ELMO1: variants seen among roughly 807,000 people sequenced by gnomAD.
ELMO1 encodes engulfment and cell motility 1, also known as engulfment and cell motility protein 1.
In ELMO1, 26 loss-of-function variants were observed where a neutral mutation model predicts 98.9. That is an observed-to-expected ratio of 0.26 (90% CI 0.19 to 0.36). The LOEUF (loss-of-function observed/expected upper bound fraction) is 0.36. Ranked by LOEUF, ELMO1 falls within the 10% of genes least tolerant of loss-of-function variation. The probability of loss-of-function intolerance (pLI) is 1.00; values close to 1 mark genes in which losing one functional copy is unlikely to be tolerated. For missense variants in ELMO1, 627 were observed against 935.2 expected (o/e 0.67, Z 4.30); for synonymous variants, 346 against 346.0 (o/e 1.00, Z 0.00).
intron 15 of ELMO1, among the ~76,000 whole-genome samples, chr7:37,089,210 A>G (rs1002769552): frequency 6.6e-6 from 1 of 152,188 alleles, no homozygotes; most frequent in East Asian, 1.9e-4. Flanking sequence ...TACTTGCTAA[A>G]GCAGAGGTGT....
At chr7:37,398,832 C>T (rs1016020195) in intron 1 of ELMO1, among the ~76,000 whole-genome samples, 1 of 152,178 alleles carries the variant, frequency 6.6e-6, no homozygotes, top group Non-Finnish European at 1.5e-5. Flanking sequence ...CAATGTGGGG[C>T]CCTCCTTCGC....
In ELMO1 at chr7:37,273,407, CCT is replaced by C. The variant is rs113947830; in HGVS notation, c.193-1527_193-1526del. Among the ~76,000 whole-genome samples, 9 of 152,278 alleles carry C rather than the reference CCT, an allele frequency of 5.9e-5. 1 individual carries two copies. Among genetic ancestry groups the C allele is most frequent in the Middle Eastern group, 3.4e-3 (1 of 294 alleles). ...TCTTTCCCCTTTGCTTCTTTCACAC[CCT>C]CTCTCACCTGCTGCCATGTAAGACA... On this transcript the variant is annotated intron_variant, in intron 4 of 21. Coordinates refer to ENST00000310758, the MANE Select transcript of ELMO1 (RefSeq NM_014800.11).
At chr7:37,226,265 T>C (rs1793869099) in intron 8 of ELMO1, among the ~76,000 whole-genome samples, 4 of 152,038 alleles carry the variant, frequency 2.6e-5, no homozygotes, top group Admixed American at 2.6e-4. Context: ...TCAGGAAGAG[T>C]ATGGAAATTT....
At chr7:37,265,773 T>C (rs980793923) in intron 5 of ELMO1, among the ~76,000 whole-genome samples, 1 of 152,112 alleles carries the variant, frequency 6.6e-6, no homozygotes, top group Non-Finnish European at 1.5e-5. Flanking sequence ...TGCTGAGCCC[T>C]CTCCTCTACT....
intron 4 of ELMO1, 63 bp downstream of exon 4, chr7:37,314,787 A>T: frequency 6.6e-7 from 1 of 1,515,320 alleles, no homozygotes; most frequent in Non-Finnish European, 9.1e-7. Context: ...GAACAAAGAA[A>T]ACATCATCAT....
At chr7:37,166,302 T>C (rs138123153) in intron 13 of ELMO1, among the ~76,000 whole-genome samples, 5,227 of 152,332 alleles carry the variant, frequency 0.034, 145 homozygotes, top group East Asian at 0.14. Flanking sequence ...CCTGGATTCA[T>C]TAATTTTTGA....
intron 14 of ELMO1, among the ~76,000 whole-genome samples, chr7:37,099,906 C>T (rs967453253): frequency 2.6e-5 from 4 of 151,104 alleles, no homozygotes; most frequent in African/African-American, 9.8e-5. Context: ...AATCTCGGCT[C>T]GCTGCAACCT....
At chr7:37,422,909 C>A (rs141789589) in intron 1 of ELMO1, among the ~76,000 whole-genome samples, 1,609 of 152,346 alleles carry the variant, frequency 0.011, 24 homozygotes, top group African/African-American at 0.037. Context: ...TTGGCCGCAG[C>A]CCATGAGCCA....
chr7:37,204,805 T>C (rs1792516173), intron 13 of ELMO1, among the ~76,000 whole-genome samples: 1 of 152,114 alleles, frequency 6.6e-6, no homozygotes, highest in African/African-American at 2.4e-5. Context: ...GAAAGAAAAG[T>C]TCTCCAAGTC....
rs1800588261 is a variant in ELMO1, at chr7:37,339,220, G to GC, written c.78+3392dup. Among the ~76,000 whole-genome samples, 6 of 152,326 alleles carry GC rather than the reference G, an allele frequency of 3.9e-5. No homozygotes were observed. The South Asian group carries it at 1.2e-3, about 32-fold the overall frequency. On this transcript the variant is annotated intron_variant, in intron 2 of 21. Transcript: ENST00000310758. ...ATCACAGATGCAGATGAAAAGCCCTGCCCCTGGCCAGCAGAATCACAATCT... is the reference window on the plus strand; with the variant it reads ...ATCACAGATGCAGATGAAAAGCCCTGCCCCCTGGCCAGCAGAATCACAATCT...
chr7:37,423,600 C>A (rs192632148), intron 1 of ELMO1, among the ~76,000 whole-genome samples: 11,398 of 152,138 alleles, frequency 0.075, 591 homozygotes, highest in Admixed American at 0.095. Flanking sequence ...AACAAACAAA[C>A]AAACAAACAA....
At chr7:37,135,892 A>G (rs769695895) in intron 13 of ELMO1, among the ~76,000 whole-genome samples, 1 of 152,244 alleles carries the variant, frequency 6.6e-6, no homozygotes, top group Admixed American at 6.5e-5. Context: ...CTGAATTGCC[A>G]GAGTAAGAAT....
intron 1 of ELMO1, among the ~76,000 whole-genome samples, chr7:37,440,154 A>C (rs1401695030): frequency 1.3e-5 from 2 of 152,154 alleles, no homozygotes; most frequent in African/African-American, 2.4e-5. Context: ...ACTATAAAAA[A>C]ATCTAGGGGC....
chr7:37,023,902 T>A (rs987788223), intron 15 of ELMO1, among the ~76,000 whole-genome samples: 1 of 152,180 alleles, frequency 6.6e-6, no homozygotes, highest in Non-Finnish European at 1.5e-5. Context: ...CTTTCGTGAA[T>A]GGAGATCCCA....
intron 1 of ELMO1, among the ~76,000 whole-genome samples, chr7:37,417,405 T>TA (rs1219594745): frequency 1.3e-5 from 2 of 152,158 alleles, no homozygotes; most frequent in East Asian, 3.8e-4. Context: ...CTTACGCCTG[T>TA]AATCCCAGCA....
intron 15 of ELMO1, among the ~76,000 whole-genome samples, chr7:37,032,013 G>C (rs1487888818): frequency 6.6e-6 from 1 of 152,170 alleles, no homozygotes; most frequent in Non-Finnish European, 1.5e-5. Flanking sequence ...GCACCAGGAA[G>C]CGCGCCCTTC....
intron 15 of ELMO1, among the ~76,000 whole-genome samples, chr7:37,022,095 C>G (rs1420717072): frequency 6.6e-6 from 1 of 152,172 alleles, no homozygotes; most frequent in Non-Finnish European, 1.5e-5. Context: ...ATACCATCTG[C>G]AAAGATCAGT....
chr7:37,338,527 A>C (rs76667818), intron 2 of ELMO1, among the ~76,000 whole-genome samples: 6,207 of 152,278 alleles, frequency 0.041, 182 homozygotes, highest in Middle Eastern at 0.071. Flanking sequence ...TCCCAGTTTA[A>C]GGTACTTTGT....
chr7:37,268,029 A>G (rs953955473), intron 5 of ELMO1, among the ~76,000 whole-genome samples: 1 of 152,212 alleles, frequency 6.6e-6, no homozygotes, highest in African/African-American at 2.4e-5. Flanking sequence ...AAGACTACAA[A>G]TATAGTCACC....
Sources: allele counts gnomAD v4.1 joint callset (sites outside exome capture counted in the v4.1 genomes callset), GRCh38; gene constraint gnomAD v4.1.1; transcripts MANE v1.5; gene names NCBI Gene and HGNC (gene_info 2026-07-23, HGNC 2026-07-21).